The following NCAPG2 variants were observed in gnomAD, a reference collection of about 807,000 sequenced individuals.
The protein encoded by NCAPG2 is condensin-2 complex subunit G2.
A neutral mutation model predicts 141.1 loss-of-function variants in NCAPG2; 53 were observed. The ratio of observed to expected loss-of-function variants is 0.38; its 90% confidence interval spans 0.30 to 0.47. The LOEUF is 0.47. NCAPG2 is among the 20% of genes least tolerant of loss of function. The pLI is 0.99. For synonymous variants in NCAPG2, 499 were observed against 490.7 expected (o/e 1.02, Z -0.22); for missense variants, 1,087 against 1,389.0 (o/e 0.78, Z 3.46).
At chr7:158,703,290 A>G (rs1273998725) in intron 1 of NCAPG2, among the ~76,000 whole-genome samples, 2 of 152,242 alleles carry the variant, frequency 1.3e-5, no homozygotes, top group Non-Finnish European at 2.9e-5. Context: ...CAAATTCATG[A>G]TTTTAGAAAA....
chr7:158,658,663 C>T (rs897942180), intron 16 of NCAPG2, among the ~76,000 whole-genome samples: 1 of 152,042 alleles, frequency 6.6e-6, no homozygotes, highest in South Asian at 2.1e-4. Context: ...TTGCTATGTA[C>T]CCAGTACCAA....
At chr7:158,700,302 T>G (rs1835701484) in intron 2 of NCAPG2, among the ~76,000 whole-genome samples, 1 of 152,220 alleles carries the variant, frequency 6.6e-6, no homozygotes, top group Non-Finnish European at 1.5e-5. Flanking sequence ...AGATGTCTGC[T>G]GGCTTTCCAG....
intron 8 of NCAPG2, among the ~76,000 whole-genome samples, chr7:158,684,160 C>A (rs1274153923): frequency 6.6e-6 from 1 of 152,248 alleles, no homozygotes; most frequent in Non-Finnish European, 1.5e-5. Flanking sequence ...CACTTAGCAT[C>A]ACTTAATGTG....
At chr7:158,664,103 T>C (rs1832733117) in intron 15 of NCAPG2, 81 bp downstream of exon 15, 3 of 1,084,592 alleles carry the variant, frequency 2.8e-6, no homozygotes, top group Non-Finnish European at 4.2e-6. Flanking sequence ...AAAGAAAACA[T>C]AGGAATATTC....
chr7:158,663,959 G>C (rs944848788), intron 15 of NCAPG2, among the ~76,000 whole-genome samples: 1 of 152,154 alleles, frequency 6.6e-6, no homozygotes, highest in Non-Finnish European at 1.5e-5. Flanking sequence ...AGATGTGACT[G>C]GTAAGAATTT....
intron 23 of NCAPG2, among the ~76,000 whole-genome samples, chr7:158,652,087 C>G (rs1472609730): frequency 2.0e-5 from 3 of 152,150 alleles, no homozygotes; most frequent in Non-Finnish European, 4.4e-5. Flanking sequence ...GCACAGGGGT[C>G]ACCATCTCCC....
Position 158,662,323 on chromosome 7 carries a change from T to C in NCAPG2, c.1860A>G (p.Ala620=). 1.2e-6 allele frequency: 2 copies of C among 1,604,814 alleles called. No homozygotes were observed. The highest frequency in any genetic ancestry group is 1.7e-6 in the Non-Finnish European group (2 of 1,176,330). The change falls in exon 16 of 28, where the codon GCA becomes GCG. Residue 620 remains alanine (A), a synonymous_variant. Transcript: ENST00000356309. ...TLSVNDVACM[A]GLLEIIVILW... ...GAATCACAATGATTTCTAGTAAACCTGCCATGCATGCAACATCGTTTACTG... is the reference window on the plus strand; with the variant it reads ...GAATCACAATGATTTCTAGTAAACCCGCCATGCATGCAACATCGTTTACTG...
At chr7:158,635,860 C>T (rs1423014087) in intron 27 of NCAPG2, among the ~76,000 whole-genome samples, 1 of 152,162 alleles carries the variant, frequency 6.6e-6, no homozygotes, top group Middle Eastern at 3.2e-3. Flanking sequence ...TGTTTACTTG[C>T]TTTAATGTCT....
chr7:158,693,171 C>A, intron 3 of NCAPG2, 138 bp downstream of exon 3: 1 of 971,788 alleles, frequency 1.0e-6, no homozygotes, highest in Non-Finnish European at 1.5e-6. Flanking sequence ...AATAAAACTA[C>A]AACAGACTAA....
At position 158,656,304 on chromosome 7, in the gene NCAPG2, G is replaced by A. The variant is rs201255175; in HGVS notation, c.2344C>T (p.Arg782Trp). The part of the protein sequence containing the change: ...KNRECLLSAP[R>W]KKLNHLLKAL... Reference sequence around the variant, plus strand: ...TTCAAAAGATGGTTAAGTTTCTTCCGAGGAGCAGAGAGCAAGCACTCGCGG... The same window carrying A: ...TTCAAAAGATGGTTAAGTTTCTTCCAAGGAGCAGAGAGCAAGCACTCGCGG... The change falls in exon 19 of 28, where the codon CGG becomes TGG. Residue 782 changes from arginine (R) to tryptophan (W), a missense_variant. Physicochemically the swap from Arg to Trp is moderately radical, Grantham distance 101. Transcript: ENST00000356309. 183 of 1,614,136 alleles carry A rather than the reference G, an allele frequency of 1.1e-4. No homozygotes were observed. The highest frequency in any genetic ancestry group is 1.4e-4 in the Non-Finnish European group (164 of 1,180,032).
At position 158,653,268 on chromosome 7, in the gene NCAPG2, T is replaced by C. The variant is rs534009550; in HGVS notation, c.2747-788A>G. Among the ~76,000 whole-genome samples, 43 of 150,790 alleles carry C rather than the reference T, an allele frequency of 2.9e-4. No individual in the cohort carries two copies. In the South Asian group the frequency reaches 8.4e-3, roughly 29 times the overall value. On this transcript the variant is annotated intron_variant, in intron 22 of 27. Transcript: ENST00000356309. ...CCCAGCTACTCAGGAGGCTGAGGCA[T>C]GAGAATTGCTTGAACCTAGAGGTGG... is the stretch of plus-strand genomic sequence containing the variant.
intron 16 of NCAPG2, among the ~76,000 whole-genome samples, chr7:158,660,098 A>G (rs1485804978): frequency 7.0e-6 from 1 of 143,542 alleles, no homozygotes; most frequent in Admixed American, 7.0e-5. Flanking sequence ...ACAGAGCGAG[A>G]AAAAAAAAAA....
chr7:158,678,009 G>A (rs2129467121), intron 11 of NCAPG2, among the ~76,000 whole-genome samples: 1 of 151,482 alleles, frequency 6.6e-6, no homozygotes, highest in South Asian at 2.1e-4. Flanking sequence ...ATGGGGTTTC[G>A]CCATGTTGCC....
chr7:158,645,575 A>G lies in NCAPG2; in HGVS notation c.3224T>C (p.Ile1075Thr). Residue 1075 changes from isoleucine to threonine, a missense_variant, in exon 26 of 28, where the codon ATT (isoleucine) becomes ACT (threonine). Transcript: ENST00000356309. ...AGCCGTGAGGCACACAATGCCTTCA[A>G]TATCATTAGAAGCCACACATGCCTT... ...ELKACVASNDIEGIVCLTAAV... is the reference protein window; with the variant it reads ...ELKACVASNDTEGIVCLTAAV... The G allele has an allele frequency of 1.2e-6, 2 of 1,614,244 alleles. No individual in the cohort carries two copies. Among genetic ancestry groups the G allele is most frequent in the Non-Finnish European group, 1.7e-6 (2 of 1,180,048 alleles).
intron 4 of NCAPG2, among the ~76,000 whole-genome samples, chr7:158,691,765 C>G (rs77485950): frequency 6.6e-6 from 1 of 152,230 alleles, no homozygotes; most frequent in East Asian, 1.9e-4. Context: ...GTAAAACTCC[C>G]CTAGGAGTCA....
At chr7:158,701,765 G>T in intron 2 of NCAPG2, 57 bp downstream of exon 2, 1 of 1,427,022 alleles carries the variant, frequency 7.0e-7, no homozygotes, top group Non-Finnish European at 9.9e-7. Context: ...AATGACTTTA[G>T]AACATATTTC....
intron 15 of NCAPG2, among the ~76,000 whole-genome samples, chr7:158,662,846 T>C (rs1476658492): frequency 1.3e-5 from 2 of 152,126 alleles, no homozygotes; most frequent in African/African-American, 4.8e-5. Flanking sequence ...CAGTCTCTGG[T>C]TGGCCAACTC....
chr7:158,668,409 C>G (rs930338283), intron 13 of NCAPG2: 7 of 985,328 alleles, frequency 7.1e-6, no homozygotes, highest in Non-Finnish European at 7.2e-6. Flanking sequence ...TTACTGTTTT[C>G]TGTTTTGTTT....
intron 12 of NCAPG2, 112 bp from the exon 13 acceptor site, chr7:158,671,778 A>G (rs1294162625): frequency 8.5e-7 from 1 of 1,180,110 alleles, no homozygotes; most frequent in East Asian, 2.5e-5. Context: ...TAGAACTACT[A>G]GTGAAATAAA....
Sources: gnomAD v4.1 joint callset for allele counts (sites outside exome capture counted in the v4.1 genomes callset) on GRCh38, gnomAD v4.1.1 for gene constraint, MANE v1.5 for transcripts, NCBI Gene and HGNC (gene_info 2026-07-23, HGNC 2026-07-21) for gene names.